Variants in GAS7 observed in about 807,000 individuals in gnomAD.
The protein encoded by GAS7 is growth arrest-specific protein 7.
GAS7 carries 28 observed loss-of-function variants against 71.1 expected under a neutral mutation model. The observed-to-expected ratio is 0.39, with a 90% CI of 0.29 to 0.54. GAS7 has a LOEUF of 0.54. Ranked by LOEUF, GAS7 falls within the 20% of genes least tolerant of loss-of-function variation. The pLI is 0.62. For missense variants in GAS7, 436 were observed against 627.8 expected (o/e 0.69, Z 3.27); for synonymous variants, 258 against 245.8 (o/e 1.05, Z -0.46).
chr17:10,090,762 C>A (rs531443196), intron 1 of GAS7, among the ~76,000 whole-genome samples: 1 of 151,920 alleles, frequency 6.6e-6, no homozygotes, highest in Admixed American at 6.6e-5. Context: ...TGGATGAGGA[C>A]GTGGAGTGCC....
At chr17:10,043,016 A>ATGGAGC (rs1472250136) in intron 1 of GAS7, among the ~76,000 whole-genome samples, 1 of 152,204 alleles carries the variant, frequency 6.6e-6, no homozygotes, top group Non-Finnish European at 1.5e-5. Flanking sequence ...CCCTTGGCAC[A>ATGGAGC]TGGAGCTGGA....
intron 2 of GAS7, among the ~76,000 whole-genome samples, chr17:9,991,246 G>A (rs1168141554): frequency 2.0e-5 from 3 of 152,190 alleles, no homozygotes; most frequent in Non-Finnish European, 4.4e-5. Context: ...AAAGAGGGGT[G>A]CTAGGGGTGA....
chr17:10,182,680 A>C (rs149828063), intron 1 of GAS7, among the ~76,000 whole-genome samples: 3,389 of 152,278 alleles, frequency 0.022, 64 homozygotes, highest in Middle Eastern at 0.058. Flanking sequence ...CAAGGACCTG[A>C]GAGTTCCATC....
Position 9,919,805 on chromosome 17 carries a change from G to A in GAS7, c.1139-100C>T. 2.3e-6 allele frequency: 2 copies of A among 876,654 alleles called. No individual in the cohort carries two copies. Among genetic ancestry groups the A allele is most frequent in the Admixed American group, 3.5e-5 (2 of 57,750 alleles). The allele number at this position is 876,654 out of a possible 1,614,324, so 54.3% of individuals were successfully genotyped here. Reference sequence around the variant, plus strand: ...CAGCCAAGCCTTCTCCTCCCCCTGGGGTCATGGTGGCCGCTGGAAAGCTGG... The same window carrying A: ...CAGCCAAGCCTTCTCCTCCCCCTGGAGTCATGGTGGCCGCTGGAAAGCTGG... On this transcript the variant is annotated intron_variant, in intron 11 of 13. Transcript: ENST00000432992. The surrounding 1 kb of genome is among the most constrained non-coding windows in gnomAD (Gnocchi z 5.0).
chr17:9,963,476 G>T (rs2069581863), intron 4 of GAS7, among the ~76,000 whole-genome samples: 1 of 152,100 alleles, frequency 6.6e-6, no homozygotes, highest in Non-Finnish European at 1.5e-5. Context: ...TTTTTGGTGG[G>T]GGAAGAGAGA....
intron 1 of GAS7, among the ~76,000 whole-genome samples, chr17:10,042,799 T>C (rs1192120925): frequency 5.3e-5 from 8 of 152,064 alleles, no homozygotes; most frequent in Admixed American, 5.2e-4. Context: ...AGGAACATGA[T>C]GTACGAAGCA....
rs150298618 is a variant in GAS7, at chr17:10,131,466, T to C, written c.183+66742A>G. ...GGCAAAACCCTGTCTCTACCAAAAA[T>C]ACAAAAATTAGCCAGGCGTGTGGCA... On this transcript the variant is annotated intron_variant, in intron 1 of 13. Coordinates refer to ENST00000432992, the MANE Select transcript of GAS7 (RefSeq NM_201433.2). Among the ~76,000 whole-genome samples, 4 of 152,114 alleles carry C rather than the reference T, an allele frequency of 2.6e-5. No homozygotes were observed. In the East Asian group the frequency reaches 7.7e-4, roughly 29 times the overall value.
chr17:9,971,543 C>G (rs533331397), intron 3 of GAS7, among the ~76,000 whole-genome samples: 1 of 152,268 alleles, frequency 6.6e-6, no homozygotes, highest in South Asian at 2.1e-4. Flanking sequence ...CCAGCCCACA[C>G]TTCAGAGTGT....
At chr17:10,142,110 C>T (rs2074087298) in intron 1 of GAS7, among the ~76,000 whole-genome samples, 1 of 151,784 alleles carries the variant, frequency 6.6e-6, no homozygotes, top group South Asian at 2.1e-4. Flanking sequence ...TGCCTGTAGT[C>T]CCAGCTGAGG....
At chr17:9,993,075 C>G (rs1421394226) in intron 2 of GAS7, among the ~76,000 whole-genome samples, 17 of 152,134 alleles carry the variant, frequency 1.1e-4, no homozygotes, top group South Asian at 1.0e-3. Flanking sequence ...ACATGTGCAT[C>G]TGTCTTTATA....
At chr17:10,162,996 T>G (rs1386742847) in intron 1 of GAS7, among the ~76,000 whole-genome samples, 2 of 152,196 alleles carry the variant, frequency 1.3e-5, no homozygotes, top group Non-Finnish European at 1.5e-5. Flanking sequence ...TGGTAAATTT[T>G]GTTATATGTG....
At position 10,172,106 on chromosome 17, in the gene GAS7, G is replaced by C. The variant is rs192802129; in HGVS notation, c.183+26102C>G. On this transcript the variant is annotated intron_variant, in intron 1 of 13. Coordinates refer to ENST00000432992, the MANE Select transcript of GAS7 (RefSeq NM_201433.2). ...TGCTGCTTTCCCCTAAGTGTCCCTC[G>C]GGTCTGCTTGTTTGGATTCTAATAT... Among the ~76,000 whole-genome samples, 180 of 152,238 alleles carry C rather than the reference G, an allele frequency of 1.2e-3. 1 individual carries two copies. Among genetic ancestry groups the C allele is most frequent in the African/African-American group, 4.1e-3 (172 of 41,552 alleles).
intron 1 of GAS7, among the ~76,000 whole-genome samples, chr17:10,118,664 A>G (rs1166926696): frequency 7.6e-6 from 1 of 131,246 alleles, no homozygotes; most frequent in East Asian, 2.5e-4. Context: ...AGATTGCGCC[A>G]TTGCACTCCA....
At chr17:10,043,976 A>G (rs186309779) in intron 1 of GAS7, among the ~76,000 whole-genome samples, 2 of 152,310 alleles carry the variant, frequency 1.3e-5, no homozygotes, top group East Asian at 1.9e-4. Context: ...ATACACCTAC[A>G]GTACTGTACT....
intron 1 of GAS7, among the ~76,000 whole-genome samples, chr17:10,158,336 T>TAAAA (rs58514810): frequency 2.3e-4 from 19 of 83,370 alleles, no homozygotes; most frequent in African/African-American, 5.1e-4. Flanking sequence ...CTTTTTTTGG[T>TAAAA]AAAAAAAAAA....
intron 10 of GAS7, 36 bp from the exon 11 acceptor site, chr17:9,925,635 G>A (rs1427701844): frequency 2.5e-6 from 4 of 1,613,082 alleles, no homozygotes; most frequent in Non-Finnish European, 3.4e-6. Flanking sequence ...TGCTCATACA[G>A]CTCGGAGCCA....
intron 2 of GAS7, among the ~76,000 whole-genome samples, chr17:9,985,998 T>C (rs1295256425): frequency 5.9e-5 from 9 of 152,226 alleles, no homozygotes; most frequent in Admixed American, 5.9e-4. Context: ...ATCCAGCTTT[T>C]TTCTAGGAAA....
intron 1 of GAS7, among the ~76,000 whole-genome samples, chr17:10,101,432 A>G (rs2073697709): frequency 6.6e-6 from 1 of 152,248 alleles, no homozygotes; most frequent in African/African-American, 2.4e-5. Flanking sequence ...ACATTCTGTC[A>G]TATCTATTGT....
intron 1 of GAS7, among the ~76,000 whole-genome samples, chr17:10,042,292 CAAAAAAAA>C (rs58391348): frequency 1.2e-3 from 112 of 95,590 alleles, no homozygotes; most frequent in African/African-American, 1.6e-3. Flanking sequence ...GAGACTCCGT[CAAAAAAAA>C]AAAAAAAAAA....
Sources: allele counts gnomAD v4.1 joint callset (sites outside exome capture counted in the v4.1 genomes callset), GRCh38; gene constraint gnomAD v4.1.1; non-coding constraint Gnocchi (gnomAD v3.1); transcripts MANE v1.5; gene names NCBI Gene and HGNC (gene_info 2026-07-23, HGNC 2026-07-21).